The following NEB variants were observed in gnomAD, a reference collection of about 807,000 sequenced individuals.
The protein encoded by NEB is nemaline myopathy type 2.
A neutral mutation model predicts 952.2 loss-of-function variants in NEB; 512 were observed. The observed-to-expected ratio is 0.54, with a 90% CI of 0.50 to 0.58. NEB has a LOEUF of 0.58. Ranked by LOEUF, NEB falls within the 20% of genes least tolerant of loss-of-function variation. The pLI, the probability that NEB is intolerant of heterozygous loss-of-function variation, is 0.00. For synonymous variants in NEB, 2,900 were observed against 3,149.8 expected, an observed-to-expected ratio of 0.92 and a Z score of 2.66; for missense variants, 8,428 against 9,231.1, an observed-to-expected ratio of 0.91 and a Z score of 3.56.
At chr2:151,722,796 C>G (rs926554837) in intron 9 of NEB, among the ~76,000 whole-genome samples, 1 of 152,102 alleles carries the variant, frequency 6.6e-6, no homozygotes, top group African/African-American at 2.4e-5. Flanking sequence ...CAATCCTCCC[C>G]TCTTGGCCTC....
chr2:151,554,050 G>A, intron 125 of NEB, 25 bp from the exon 126 acceptor site: 1 of 1,608,224 alleles, frequency 6.2e-7, no homozygotes, highest in Non-Finnish European at 8.5e-7. Flanking sequence ...TCACATGCCA[G>A]TTATACAGGA....
intron 42 of NEB, 104 bp downstream of exon 42, chr2:151,665,229 A>G: frequency 9.2e-7 from 1 of 1,090,438 alleles, no homozygotes; most frequent in South Asian, 1.4e-5. Context: ...CGGCACGAAG[A>G]CGATCAGAAA....
At chr2:151,633,619 C>A in intron 65 of NEB, 35 bp downstream of exon 65, 1 of 1,576,286 alleles carries the variant, frequency 6.3e-7, no homozygotes, top group Non-Finnish European at 8.6e-7. Context: ...TAAATTATTT[C>A]TATGCACAGC....
At chr2:151,517,778 G>T (rs966941733) in intron 156 of NEB, among the ~76,000 whole-genome samples, 1 of 152,098 alleles carries the variant, frequency 6.6e-6, no homozygotes, top group African/African-American at 2.4e-5. Flanking sequence ...GTAAAAATAT[G>T]GTATTAAAGG....
At chr2:151,707,353 C>T (rs1482307993) in intron 12 of NEB, among the ~76,000 whole-genome samples, 1 of 152,140 alleles carries the variant, frequency 6.6e-6, no homozygotes, top group East Asian at 1.9e-4. Flanking sequence ...TGCATAATGT[C>T]CCAGATACCT....
chr2:151,642,468 A>C (rs1012090473), intron 60 of NEB, 106 bp downstream of exon 60: 6 of 909,288 alleles, frequency 6.6e-6, no homozygotes, highest in Non-Finnish European at 9.9e-6. Flanking sequence ...ATAAACTGTT[A>C]GCAACAGCTT....
intron 180 of NEB, 23 bp downstream of exon 180, chr2:151,490,349 A>C: frequency 6.3e-7 from 1 of 1,580,798 alleles, no homozygotes; most frequent in Non-Finnish European, 8.6e-7. Context: ...GGGACTGCCA[A>C]AATCAGCGCC....
intron 171 of NEB, 196 bp from the exon 172 acceptor site, chr2:151,497,229 G>A (rs533823410): frequency 2.5e-6 from 2 of 794,158 alleles, no homozygotes; most frequent in African/African-American, 3.8e-5. Flanking sequence ...GCACCCTCTA[G>A]AGAAGCAGGG....
intron 135 of NEB, 126 bp downstream of exon 135, chr2:151,545,762 G>T: frequency 1.6e-6 from 1 of 610,140 alleles, no homozygotes; most frequent in Non-Finnish European, 2.9e-6. Flanking sequence ...ACAGTTAAGA[G>T]GGGAAATATT....
At chr2:151,710,098 C>T (rs1218082780) in intron 11 of NEB, among the ~76,000 whole-genome samples, 3 of 152,298 alleles carry the variant, frequency 2.0e-5, no homozygotes, top group Admixed American at 1.3e-4. Flanking sequence ...TAATCAATTT[C>T]ATAACTGTAC....
Position 151,697,364 on chromosome 2 carries a change from C to G in NEB, c.1351G>C (p.Ala451Pro). 6.2e-7 allele frequency: 1 copy of G among 1,613,810 alleles called. No homozygotes were observed. The highest frequency in any genetic ancestry group is 8.5e-7 in the Non-Finnish European group (1 of 1,179,708). ...PYHSHCMKVT[A>P]QNSDKNYKAE... ...TTAGAACTTACATCACTGTTTTGAG[C>G]TGTGACTTTCATGCAGTGTGAATGG... Residue 451 changes from alanine (A) to proline (P), a missense_variant, in exon 15 of 182, where the codon GCT becomes CCT. Coordinates refer to ENST00000397345, the MANE Select transcript of NEB (RefSeq NM_001164508.2).
intron 80 of NEB, 78 bp downstream of exon 80, chr2:151,610,438 G>A: frequency 1.9e-6 from 2 of 1,044,680 alleles, no homozygotes; most frequent in Non-Finnish European, 3.0e-6. Context: ...AATCACTATA[G>A]AGTGTGTGGT....
rs372203426 is a variant in NEB at position 151,492,440 on chromosome 2, A to G, written c.24820T>C (p.Leu8274=). Residue 8274 remains leucine, a synonymous_variant, in exon 177 of 182, where the codon TTG becomes CTG. Transcript: ENST00000397345. Reference sequence around the variant, plus strand: ...ACCCGTCTCATCTCGGGGGTATCCAATACATAGGCAGCTTTGCCTTGTATT... The same window carrying G: ...ACCCGTCTCATCTCGGGGGTATCCAGTACATAGGCAGCTTTGCCTTGTATT... ...KQIQGKAAYV[L]DTPEMRRVRE... is the part of the protein sequence containing the mutation. The G allele has an allele frequency of 3.7e-5, 59 of 1,613,104 alleles. No individual in the cohort carries two copies. The highest frequency in any genetic ancestry group is 6.7e-5 in the African/African-American group (5 of 74,808).
intron 77 of NEB, among the ~76,000 whole-genome samples, chr2:151,613,745 A>C (rs2098103567): frequency 6.6e-6 from 1 of 152,138 alleles, no homozygotes; most frequent in Non-Finnish European, 1.5e-5. Context: ...GGTGCTTAAA[A>C]GTGTGTAGCA....
intron 78 of NEB, 113 bp from the exon 79 acceptor site, chr2:151,610,979 A>G: frequency 1.6e-6 from 1 of 641,262 alleles, no homozygotes; most frequent in African/African-American, 1.8e-5. Context: ...TTTAACTATA[A>G]AATAGCTCCT....
At chr2:151,514,456 T>C in intron 158 of NEB, 28 bp from the exon 159 acceptor site, 1 of 1,513,374 alleles carries the variant, frequency 6.6e-7, no homozygotes, top group Non-Finnish European at 9.2e-7. Context: ...AGCAACAACA[T>C]TGACAAGAAA....
intron 67 of NEB, 121 bp from the exon 68 acceptor site, chr2:151,629,767 T>C (rs1046982351): frequency 4.1e-6 from 3 of 734,274 alleles, no homozygotes; most frequent in Admixed American, 5.1e-5. Flanking sequence ...TTCAAGTTTC[T>C]GGCAATAGTG....
chr2:151,496,848 G>T, intron 172 of NEB, 93 bp downstream of exon 172: 2 of 1,357,850 alleles, frequency 1.5e-6, no homozygotes, highest in Non-Finnish European at 2.0e-6. Flanking sequence ...CACAAAATTT[G>T]TCTTTAGAAA....
chr2:151,717,855 C>CTTTTT lies in NEB; in HGVS notation c.718-340_718-336dup, dbSNP rs5835379. Among the ~76,000 whole-genome samples, 17 of 140,268 alleles carry CTTTTT rather than the reference C, an allele frequency of 1.2e-4. 5 individuals are homozygous for CTTTTT. The highest frequency in any genetic ancestry group is 5.3e-5 in the African/African-American group (2 of 37,686). The allele number at this position is 140,268 out of a possible 152,430, so 92.0% of individuals were successfully genotyped here. A position where few individuals can be genotyped will look rare whatever the true frequency, so the allele number is the denominator to read the frequency against. ...GACTTGACCATATACCTCCTTTGTTCTTTTTTTTTTTTTTTTGAGACGGAG... is the reference window on the plus strand; with the variant it reads ...GACTTGACCATATACCTCCTTTGTTCTTTTTTTTTTTTTTTTTTTTTGAGACGGAG... On this transcript the variant is annotated intron_variant, in intron 9 of 181. Coordinates refer to ENST00000397345, the MANE Select transcript of NEB (RefSeq NM_001164508.2).
Sources: allele counts gnomAD v4.1 joint callset (sites outside exome capture counted in the v4.1 genomes callset), GRCh38; gene constraint gnomAD v4.1.1; transcripts MANE v1.5; gene names NCBI Gene and HGNC (gene_info 2026-07-23, HGNC 2026-07-21).